CRYZ: variants seen among roughly 807,000 people sequenced by gnomAD.
CRYZ encodes the protein crystallin zeta, also known as zeta-crystallin.
Under a neutral mutation model 34.1 loss-of-function variants are expected in CRYZ, and 35 were observed. The observed-to-expected ratio is 1.03, with a 90% CI of 0.78 to 1.36. CRYZ has a LOEUF of 1.36. Among genes scored for constraint, CRYZ ranks in the 40% most tolerant of loss-of-function variants. The pLI is 0.00. For synonymous variants in CRYZ, 137 were observed against 136.5 expected (o/e 1.00, Z -0.03); for missense variants, 403 against 391.8 (o/e 1.03, Z -0.24).
At chr1:74,715,065 G>C (rs1647053569) in intron 4 of CRYZ, among the ~76,000 whole-genome samples, 1 of 152,112 alleles carries the variant, frequency 6.6e-6, no homozygotes, top group African/African-American at 2.4e-5. Flanking sequence ...AGTAAACACA[G>C]TAGCTATTTT....
In CRYZ at chr1:74,723,251, G is replaced by C; in HGVS notation, c.131C>G (p.Ala44Gly). The change falls in exon 3 of 9, where the codon GCA (alanine) becomes GGA (glycine). Residue 44 changes from alanine (A) to glycine (G), a missense_variant. Physicochemically the swap from Ala to Gly is moderately conservative, Grantham distance 60. Transcript: ENST00000340866. The part of the protein sequence containing the change: ...KDHQVLIKVH[A>G]CGVNPVETYI... The stretch of plus-strand genomic sequence containing the variant: ...TGTCTCCACGGGGTTGACACCACAT[G>C]CATGGACCTTGATTAGAACCTGCAA... The C allele has an allele frequency of 6.2e-7, 1 of 1,608,448 alleles. No homozygotes were observed. The highest frequency in any genetic ancestry group is 8.5e-7 in the Non-Finnish European group (1 of 1,178,798).
Position 74,719,259 on chromosome 1 carries a change from T to C in CRYZ, c.378A>G (p.Gly126=). The change falls in exon 4 of 9, where the codon GGA becomes GGG. Residue 126 remains glycine (G), a synonymous_variant. Coordinates refer to ENST00000340866, the MANE Select transcript of CRYZ (RefSeq NM_001889.4). ...TAAAATATGGAATGCCGATGGCAGCTCCTTGTTTAAAGTCCAGTTTTTCAG... is the reference window on the plus strand; with the variant it reads ...TAAAATATGGAATGCCGATGGCAGCCCCTTGTTTAAAGTCCAGTTTTTCAG... ...KLPEKLDFKQ[G]AAIGIPYFTA... 6.2e-7 allele frequency: 1 copy of C among 1,613,898 alleles called. No individual in the cohort carries two copies. Among genetic ancestry groups the C allele is most frequent in the Non-Finnish European group, 8.5e-7 (1 of 1,179,816 alleles).
chr1:74,723,827 C>A (rs142395864), intron 2 of CRYZ, among the ~76,000 whole-genome samples: 42 of 152,314 alleles, frequency 2.8e-4, no homozygotes, highest in African/African-American at 7.2e-4. Context: ...CATTTGAGAA[C>A]TTTTAAATTT....
At chr1:74,716,723 A>T (rs1425723898) in intron 4 of CRYZ, among the ~76,000 whole-genome samples, 1 of 152,122 alleles carries the variant, frequency 6.6e-6, no homozygotes, top group African/African-American at 2.4e-5. Context: ...CTGACTCTCA[A>T]TAGCTCCATT....
intron 6 of CRYZ, among the ~76,000 whole-genome samples, chr1:74,709,265 G>A (rs1379227972): frequency 6.6e-6 from 1 of 152,006 alleles, no homozygotes; most frequent in African/African-American, 2.4e-5. Context: ...GATTATTGCT[G>A]AACAAAAACC....
chr1:74,729,960 T>A (rs1388402379), intron 1 of CRYZ, among the ~76,000 whole-genome samples: 1 of 152,014 alleles, frequency 6.6e-6, no homozygotes, highest in African/African-American at 2.4e-5. Flanking sequence ...CTGGGTGCTC[T>A]CTCTCTCTCT....
At chr1:74,714,546 C>G (rs747967831) in intron 5 of CRYZ, 33 bp downstream of exon 5, 2 of 1,602,020 alleles carry the variant, frequency 1.2e-6, no homozygotes, top group South Asian at 1.1e-5. Context: ...TAAACCCAAG[C>G]TTGTTTCAAA....
intron 5 of CRYZ, among the ~76,000 whole-genome samples, chr1:74,713,809 A>C (rs1281931743): frequency 6.6e-6 from 1 of 152,136 alleles, no homozygotes; most frequent in Non-Finnish European, 1.5e-5. Flanking sequence ...TTTATTTTTA[A>C]AATGCAAAAT....
intron 1 of CRYZ, among the ~76,000 whole-genome samples, chr1:74,727,806 G>C (rs761743045): frequency 3.3e-5 from 5 of 152,046 alleles, no homozygotes; most frequent in Non-Finnish European, 7.4e-5. Context: ...TTTGGGTGGC[G>C]ACAGAGCCAA....
chr1:74,713,728 C>T (rs1378329707), intron 5 of CRYZ, among the ~76,000 whole-genome samples: 1 of 152,126 alleles, frequency 6.6e-6, no homozygotes, highest in Admixed American at 6.5e-5. Flanking sequence ...TCTTTCAATC[C>T]ACTCTCCAGA....
At chr1:74,711,819 C>T (rs527237920) in intron 5 of CRYZ, among the ~76,000 whole-genome samples, 13 of 152,050 alleles carry the variant, frequency 8.5e-5, no homozygotes, top group Non-Finnish European at 1.6e-4. Flanking sequence ...TACTTACGGG[C>T]GAAGATGTTC....
intron 5 of CRYZ, among the ~76,000 whole-genome samples, chr1:74,711,175 G>C (rs1646997708): frequency 6.6e-6 from 1 of 152,300 alleles, no homozygotes; most frequent in African/African-American, 2.4e-5. Flanking sequence ...GGCCAGAAAG[G>C]CCAAGTCACA....
intron 3 of CRYZ, among the ~76,000 whole-genome samples, chr1:74,719,876 C>A (rs520882): frequency 1 from 151,660 of 152,216 alleles, 75,556 homozygotes; most frequent in East Asian, 1. Context: ...AAACAGAAAA[C>A]ATATAAGAAA....
intron 4 of CRYZ, among the ~76,000 whole-genome samples, chr1:74,716,871 C>G (rs890784249): frequency 1.3e-5 from 2 of 152,070 alleles, no homozygotes; most frequent in Non-Finnish European, 2.9e-5. Flanking sequence ...GCATTCTAGC[C>G]CTGGATTAAT....
Position 74,723,218 on chromosome 1 carries a change from C to T in CRYZ, c.164G>A (p.Arg55His), listed in dbSNP as rs140443058. Residue 55 changes from arginine to histidine, a missense_variant, in exon 3 of 9, where the codon CGC becomes CAC. Physicochemically the swap from Arg to His is conservative, Grantham distance 29 (BLOSUM62 0). Transcript: ENST00000340866. Reference protein sequence around the residue: ...CGVNPVETYIRSGTYSRKPLL... With the variant: ...CGVNPVETYIHSGTYSRKPLL... ...TGGTTTTCTACTATAAGTACCAGAG[C>T]GAATGTATGTCTCCACGGGGTTGAC... 2,008 of 1,613,930 alleles carry T rather than the reference C, an allele frequency of 1.2e-3. 2 individuals are homozygous for T. Among genetic ancestry groups the T allele is most frequent in the Non-Finnish European group, 1.5e-3 (1,818 of 1,179,884 alleles).
At position 74,719,314 on chromosome 1, in the gene CRYZ, A is replaced by C. The variant is rs2100713831; in HGVS notation, c.323T>G (p.Leu108Arg). 5.0e-6 allele frequency: 8 copies of C among 1,613,880 alleles called. No homozygotes were observed. Among genetic ancestry groups the C allele is most frequent in the East Asian group, 2.2e-5 (1 of 44,882 alleles). Residue 108 changes from leucine to arginine, a missense_variant, in exon 4 of 9, where the codon CTT becomes CGT. Physicochemically the swap from Leu to Arg is moderately radical, Grantham distance 102. Transcript: ENST00000340866. Reference sequence around the variant, plus strand: ...TTTGTAAACAGTGTGGTCTGCTGCAAGAGCATACTCTGCATAACCCCCAGA... The same window carrying C: ...TTTGTAAACAGTGTGGTCTGCTGCACGAGCATACTCTGCATAACCCCCAGA... ...TISGGYAEYA[L>R]AADHTVYKLP...
chr1:74,725,153 T>C (rs1647269788), intron 1 of CRYZ, among the ~76,000 whole-genome samples: 1 of 152,232 alleles, frequency 6.6e-6, no homozygotes, highest in African/African-American at 2.4e-5. Flanking sequence ...CTTAGAAATT[T>C]TATGAGTTGA....
At position 74,706,455 on chromosome 1, in the gene CRYZ, C is replaced by T. The variant is rs76988303; in HGVS notation, c.831G>A (p.Glu277=). The T allele has an allele frequency of 2.8e-5, 45 of 1,588,706 alleles. No homozygotes were observed. In the East Asian group the frequency reaches 9.9e-4, roughly 35 times the overall value. The change falls in exon 9 of 9, where the codon GAG becomes GAA. Residue 277 remains glutamate, a splice_region_variant and synonymous_variant. Coordinates refer to ENST00000340866, the MANE Select transcript of CRYZ (RefSeq NM_001889.4). ...IGVTLFSSTK[E]EFQQYAAALQ... ...GGGCTGCTGCATATTGCTGAAATTC[C>T]TCCTAAGAAAAGGAAAAACAAATTT...
chr1:74,708,676 C>T (rs1278221974), intron 6 of CRYZ: 1 of 152,068 alleles, frequency 6.6e-6, no homozygotes, highest in East Asian at 1.9e-4. Context: ...TCTTGGGCGA[C>T]CAGATGAGTA....
Sources: gnomAD v4.1 joint callset for allele counts (sites outside exome capture counted in the v4.1 genomes callset) on GRCh38, gnomAD v4.1.1 for gene constraint, MANE v1.5 for transcripts, NCBI Gene and HGNC (gene_info 2026-07-23, HGNC 2026-07-21) for gene names.